The following SLC25A10 variants were observed in gnomAD, a reference collection of about 807,000 sequenced individuals.
SLC25A10 encodes solute carrier family 25 member 10.
In SLC25A10, 32 loss-of-function variants were observed where a neutral mutation model predicts 40.4. The ratio of observed to expected loss-of-function variants is 0.79; its 90% confidence interval spans 0.60 to 1.06. The LOEUF (loss-of-function observed/expected upper bound fraction) is 1.06, where lower values mean the gene tolerates loss of function less well. SLC25A10 is among the 50% of genes least tolerant of loss of function. The pLI, the probability that SLC25A10 is intolerant of heterozygous loss-of-function variation, is 0.00. For missense variants in SLC25A10, 394 were observed against 402.6 expected, an observed-to-expected ratio of 0.98 and a Z score of 0.18; for synonymous variants, 181 against 171.1, an observed-to-expected ratio of 1.06 and a Z score of -0.45.
chr17:81,714,994 G>T lies in SLC25A10; in HGVS notation c.135G>T (p.Thr45=). ...AGCAGGAGGTGAAGCTGCGCATGAC[G>T]GGCATGGCGCTGCGGGTGGTGCGTA... is the stretch of plus-strand genomic sequence containing the variant. ...QTQQEVKLRM[T]GMALRVVRTD... is the part of the protein sequence containing the mutation. Residue 45 remains threonine (T), a synonymous_variant, in exon 2 of 11, where the codon ACG becomes ACT. Transcript: ENST00000350690. The T allele has an allele frequency of 6.2e-7, 1 of 1,609,832 alleles. No individual in the cohort carries two copies. The highest frequency in any genetic ancestry group is 2.2e-5 in the East Asian group (1 of 44,866).
chr17:81,717,380 C>G lies in SLC25A10; in HGVS notation c.535-19C>G, dbSNP rs199991446. The G allele has an allele frequency of 6.2e-7, 1 of 1,612,354 alleles. No individual in the cohort carries two copies. The highest frequency in any genetic ancestry group is 1.7e-5 in the Admixed American group (1 of 60,020). ...CTGGGGTCCCCCCTACAGCCCTGAC[C>G]GCCCTTGTGCCCCTGCAGCTGTCCT... On this transcript the variant is annotated intron_variant, in intron 7 of 10. Transcript: ENST00000350690.
chr17:81,719,644 G>C (rs922782708), intron 9 of SLC25A10, among the ~76,000 whole-genome samples, 187 bp from the exon 10 acceptor site: 1 of 152,186 alleles, frequency 6.6e-6, no homozygotes, highest in African/African-American at 2.4e-5. Context: ...CCGTTGACCT[G>C]GCTGGTGCCT....
chr17:81,719,656 C>G (rs2037552465), intron 9 of SLC25A10, among the ~76,000 whole-genome samples, 175 bp from the exon 10 acceptor site: 1 of 152,146 alleles, frequency 6.6e-6, no homozygotes, highest in South Asian at 2.1e-4. Context: ...CTGGTGCCTG[C>G]AGACCTGTGG....
At position 81,715,683 on chromosome 17, in the gene SLC25A10, G is replaced by A. The variant is rs1394438191; in HGVS notation, c.329-10G>A. The stretch of plus-strand genomic sequence containing the variant: ...AGCACGGCTCATCTCTGGGGTTTGT[G>A]TCACCGCAGGTTTAGCTGGAGGCTT... On this transcript the variant is annotated splice_polypyrimidine_tract_variant and intron_variant, in intron 3 of 10. Coordinates refer to ENST00000350690, the MANE Select transcript of SLC25A10 (RefSeq NM_012140.5). 4 of 1,613,366 alleles carry A rather than the reference G, an allele frequency of 2.5e-6. No homozygotes were observed. Among genetic ancestry groups the A allele is most frequent in the South Asian group, 1.1e-5 (1 of 91,084 alleles).
chr17:81,718,177 C>A (rs560338534), intron 9 of SLC25A10, among the ~76,000 whole-genome samples: 1 of 152,174 alleles, frequency 6.6e-6, no homozygotes, highest in East Asian at 1.9e-4. Context: ...GAAACCCTGT[C>A]TCTACCAAAA....
intron 7 of SLC25A10, 133 bp from the exon 8 acceptor site, chr17:81,717,266 C>T: frequency 3.8e-6 from 4 of 1,048,584 alleles, no homozygotes; most frequent in South Asian, 1.4e-5. Context: ...AGGTGCCTCC[C>T]CTGTCTGGGC....
intron 2 of SLC25A10, 128 bp from the exon 3 acceptor site, chr17:81,715,331 AGCCGCATGCTGGCACAGTG>A: frequency 1.2e-6 from 1 of 824,724 alleles, no homozygotes; most frequent in Non-Finnish European, 1.9e-6. Context: ...GAACTGGCTC[AGCCGCATGCTGGCACAGTG>A]GCCTTGGGAA....
chr17:81,719,689 C>A (rs368074161), intron 9 of SLC25A10, 142 bp from the exon 10 acceptor site: 2 of 977,512 alleles, frequency 2.0e-6, no homozygotes, highest in African/African-American at 1.6e-5. Context: ...AGCCAGCAGC[C>A]GCCGCTCACA....
intron 1 of SLC25A10, among the ~76,000 whole-genome samples, chr17:81,714,621 C>T (rs1598210914): frequency 6.6e-6 from 1 of 152,078 alleles, no homozygotes; most frequent in East Asian, 1.9e-4. Context: ...GGCCCAAATC[C>T]TGATGGCACC....
At chr17:81,714,135 C>T (rs950286164) in intron 1 of SLC25A10, among the ~76,000 whole-genome samples, 1 of 152,216 alleles carries the variant, frequency 6.6e-6, no homozygotes, top group African/African-American at 2.4e-5. Flanking sequence ...GACCCCTGGG[C>T]GTGCGTTACG....
chr17:81,715,415 G>A (rs957814619), intron 2 of SLC25A10, 63 bp from the exon 3 acceptor site: 12 of 1,412,136 alleles, frequency 8.5e-6, no homozygotes, highest in African/African-American at 2.8e-5. Flanking sequence ...TGGCTGGGCC[G>A]GGTGGCGAGG....
intron 1 of SLC25A10, among the ~76,000 whole-genome samples, chr17:81,714,025 A>T (rs1027541565): frequency 3.9e-5 from 6 of 152,198 alleles, no homozygotes; most frequent in African/African-American, 1.4e-4. Context: ...CTACCGTCGC[A>T]TCTGGCCGGG....
chr17:81,720,691 G>A lies in SLC25A10; in HGVS notation c.*614G>A. 2 of 449,546 alleles carry A rather than the reference G, an allele frequency of 4.4e-6. No homozygotes were observed. The highest frequency in any genetic ancestry group is 7.3e-6 in the Non-Finnish European group (2 of 272,118). The allele number at this position is 449,546 out of a possible 1,614,324, so 27.8% of individuals were successfully genotyped here. On this transcript the variant is annotated 3_prime_UTR_variant, in exon 11 of 11. Coordinates refer to ENST00000350690, the MANE Select transcript of SLC25A10 (RefSeq NM_012140.5). ...GGAGCCATTGTGGGTGAGGGTCGAG[G>A]GCCACCGAGGTCCCGCGCACCGCTG... is the stretch of plus-strand genomic sequence containing the variant.
chr17:81,715,727 C>T lies in SLC25A10; in HGVS notation c.363C>T (p.Asp121=). The change falls in exon 4 of 11, where the codon GAC becomes GAT. Residue 121 remains aspartate, a synonymous_variant. Coordinates refer to ENST00000350690, the MANE Select transcript of SLC25A10 (RefSeq NM_012140.5). ...LAGGFVGTPA[D]LVNVRMQNDV... is the part of the protein sequence containing the mutation. ...GAGGCTTCGTGGGGACGCCCGCAGACTTGGTCAACGTCAGGTTGGTGTTCC... is the reference window on the plus strand; with the variant it reads ...GAGGCTTCGTGGGGACGCCCGCAGATTTGGTCAACGTCAGGTTGGTGTTCC... 1 of 1,613,364 alleles carries T rather than the reference C, an allele frequency of 6.2e-7. No individual in the cohort carries two copies. The highest frequency in any genetic ancestry group is 8.5e-7 in the Non-Finnish European group (1 of 1,179,952).
At chr17:81,716,677 C>T (rs1410661858) in intron 5 of SLC25A10, 135 bp from the exon 6 acceptor site, 2 of 862,118 alleles carry the variant, frequency 2.3e-6, no homozygotes, top group East Asian at 2.7e-5. Context: ...CTTCATGTTC[C>T]CAGGGAGAGA....
chr17:81,715,949 G>T lies in SLC25A10; in HGVS notation c.378-60G>T. On this transcript the variant is annotated intron_variant, in intron 4 of 10. Coordinates refer to ENST00000350690, the MANE Select transcript of SLC25A10 (RefSeq NM_012140.5). ...TGACCAGCGTGAGCTCCCCTGTGCT[G>T]CCAGGGCTGCCCATGCCCCTCGGCC... 2.0e-6 allele frequency: 3 copies of T among 1,535,688 alleles called. No individual in the cohort carries two copies. In the South Asian group the frequency reaches 3.5e-5, roughly 18 times the overall value.
At position 81,720,181 on chromosome 17, in the gene SLC25A10, G is replaced by C; in HGVS notation, c.*104G>C. 6.5e-7 allele frequency: 1 copy of C among 1,534,988 alleles called. No individual in the cohort carries two copies. Among genetic ancestry groups the C allele is most frequent in the Non-Finnish European group, 8.7e-7 (1 of 1,148,904 alleles). On this transcript the variant is annotated 3_prime_UTR_variant, in exon 11 of 11. Transcript: ENST00000350690. ...TGGGGCCACGACCTCCCTGGCCGTG[G>C]CCACCCGTCCTCCGCAGCAGGCCCC...
chr17:81,714,190 T>C (rs79243595), intron 1 of SLC25A10, among the ~76,000 whole-genome samples: 21,654 of 152,208 alleles, frequency 0.14, 1,730 homozygotes, highest in African/African-American at 0.19. Flanking sequence ...AAGGACTTCT[T>C]TGGGGTCAGT....
At chr17:81,714,920 C>T (rs369658698) in intron 1 of SLC25A10, 33 bp from the exon 2 acceptor site, 27 of 1,601,486 alleles carry the variant, frequency 1.7e-5, no homozygotes, top group South Asian at 4.4e-5. Context: ...CCCTCGGGGT[C>T]GCTGTGGGGT....
Sources: gnomAD v4.1 joint callset for allele counts (sites outside exome capture counted in the v4.1 genomes callset) on GRCh38, gnomAD v4.1.1 for gene constraint, MANE v1.5 for transcripts, NCBI Gene and HGNC (gene_info 2026-07-23, HGNC 2026-07-21) for gene names.